The following PTPRR variants were observed in gnomAD, a reference collection of about 807,000 sequenced individuals.
The protein encoded by PTPRR is protein tyrosine phosphatase receptor type R.
Under a neutral mutation model 77.2 loss-of-function variants are expected in PTPRR, and 38 were observed. The ratio of observed to expected loss-of-function variants is 0.49; its 90% CI spans 0.38 to 0.65. The LOEUF is 0.65. PTPRR is among the 30% of genes least tolerant of loss of function. PTPRR has a pLI of 0.00. For missense variants in PTPRR, 744 were observed against 799.2 expected (o/e 0.93, Z 0.83); for synonymous variants, 299 against 283.1 (o/e 1.06, Z -0.57).
At chr12:70,656,878 C>G (rs1261102595) in intron 12 of PTPRR, 61 bp from the exon 13 acceptor site, 3 of 1,148,950 alleles carry the variant, frequency 2.6e-6, no homozygotes, top group Non-Finnish European at 3.9e-6. Flanking sequence ...AAGAAACATT[C>G]TTTTACAAGG....
chr12:70,792,531 CTT>C (rs1253302190), intron 2 of PTPRR, among the ~76,000 whole-genome samples: 2 of 151,996 alleles, frequency 1.3e-5, no homozygotes, highest in South Asian at 2.1e-4. Context: ...AAATTTCAAA[CTT>C]ATATCTTGCA....
At chr12:70,748,574 G>A (rs1393280590) in intron 5 of PTPRR, among the ~76,000 whole-genome samples, 1 of 152,018 alleles carries the variant, frequency 6.6e-6, no homozygotes, top group Admixed American at 6.6e-5. Flanking sequence ...TTGAATGAGA[G>A]GAGCTGTAAA....
intron 2 of PTPRR, among the ~76,000 whole-genome samples, chr12:70,865,192 C>T (rs1892822056): frequency 6.7e-6 from 1 of 149,734 alleles, no homozygotes; most frequent in Admixed American, 6.8e-5. Context: ...GTAAGACGTG[C>T]CTTTTGCCTT....
intron 6 of PTPRR, among the ~76,000 whole-genome samples, chr12:70,720,509 ATTTTT>A (rs34611421): frequency 5.1e-5 from 7 of 136,832 alleles, no homozygotes; most frequent in Admixed American, 2.2e-4. Context: ...TACCCTGGTA[ATTTTT>A]TTTTTTTTTT....
At chr12:70,704,617 C>T (rs1188974946) in intron 6 of PTPRR, among the ~76,000 whole-genome samples, 1 of 151,994 alleles carries the variant, frequency 6.6e-6, no homozygotes, top group Non-Finnish European at 1.5e-5. Flanking sequence ...TCTAAGGATT[C>T]TGTGGTAAGC....
At chr12:70,713,567 T>TTTTTC (rs1888910545) in intron 6 of PTPRR, among the ~76,000 whole-genome samples, 1 of 150,618 alleles carries the variant, frequency 6.6e-6, no homozygotes, top group African/African-American at 2.4e-5. Context: ...GCTGCTGCCT[T>TTTTTC]TTTTTTTTTT....
intron 2 of PTPRR, among the ~76,000 whole-genome samples, chr12:70,868,207 A>G (rs1288270376): frequency 6.6e-6 from 1 of 152,138 alleles, no homozygotes; most frequent in African/African-American, 2.4e-5. Context: ...TAAACTAAAG[A>G]GCTTCTGCAC....
chr12:70,672,031 G>T, intron 10 of PTPRR: 1 of 1,322,922 alleles, frequency 7.6e-7, no homozygotes, highest in East Asian at 2.3e-5. Flanking sequence ...CCCACCTGGT[G>T]GGGCCTCACT....
intron 1 of PTPRR, among the ~76,000 whole-genome samples, chr12:70,915,662 G>T (rs1893764856): frequency 6.6e-6 from 1 of 152,122 alleles, no homozygotes; most frequent in South Asian, 2.1e-4. Context: ...TAGTAGTTCT[G>T]GTCTAACACA....
At chr12:70,711,518 G>T (rs2136815762) in intron 6 of PTPRR, among the ~76,000 whole-genome samples, 1 of 151,952 alleles carries the variant, frequency 6.6e-6, no homozygotes, top group East Asian at 1.9e-4. Context: ...GGGGTAGTAG[G>T]TATTAACCTG....
chr12:70,837,017 A>G lies in PTPRR; in HGVS notation c.357+55662T>C, dbSNP rs556702451. Among the ~76,000 whole-genome samples the G allele has an allele frequency of 8.7e-4, 133 of 152,222 alleles. 1 individual carries two copies. Among genetic ancestry groups the G allele is most frequent in the Admixed American group, 9.8e-4 (15 of 15,272 alleles). Reference sequence around the variant, plus strand: ...TTATTTAAAATATTTTGCAATATTTAAGGTATATAAATGTATAAAGCATAA... The same window carrying G: ...TTATTTAAAATATTTTGCAATATTTGAGGTATATAAATGTATAAAGCATAA... On this transcript the variant is annotated intron_variant, in intron 2 of 13. Coordinates refer to ENST00000283228, the MANE Select transcript of PTPRR (RefSeq NM_002849.4).
At chr12:70,657,268 G>A (rs1019328521) in intron 12 of PTPRR, among the ~76,000 whole-genome samples, 1 of 152,114 alleles carries the variant, frequency 6.6e-6, no homozygotes, top group African/African-American at 2.4e-5. Context: ...GGAATAGGGT[G>A]AATTTGAAGG....
chr12:70,849,302 G>T (rs909633642), intron 2 of PTPRR, among the ~76,000 whole-genome samples: 1 of 152,174 alleles, frequency 6.6e-6, no homozygotes, highest in African/African-American at 2.4e-5. Context: ...TGCTTTGGAT[G>T]AGAGTAGCTT....
intron 2 of PTPRR, among the ~76,000 whole-genome samples, chr12:70,769,007 T>G (rs1362225784): frequency 7.0e-6 from 1 of 143,796 alleles, no homozygotes; most frequent in Admixed American, 6.8e-5. Context: ...ATGGGACATA[T>G]CTCAAAATAA....
intron 10 of PTPRR, among the ~76,000 whole-genome samples, chr12:70,669,398 C>T (rs1195115835): frequency 6.6e-6 from 1 of 151,772 alleles, no homozygotes; most frequent in East Asian, 1.9e-4. Flanking sequence ...GTGGTTTCTA[C>T]TGCTGGAACA....
At chr12:70,826,717 C>A (rs908492945) in intron 2 of PTPRR, among the ~76,000 whole-genome samples, 22 of 152,174 alleles carry the variant, frequency 1.4e-4, no homozygotes, top group Non-Finnish European at 7.4e-5. Context: ...GGACTGGCTG[C>A]AAAACATGTA....
intron 9 of PTPRR, 21 bp from the exon 10 acceptor site, chr12:70,684,285 A>G: frequency 6.3e-7 from 1 of 1,594,916 alleles, no homozygotes; most frequent in Non-Finnish European, 8.5e-7. Context: ...TAAAGAAACA[A>G]AAATATTGGT....
At chr12:70,672,081 T>G in intron 10 of PTPRR, 1 of 1,359,474 alleles carries the variant, frequency 7.4e-7, no homozygotes, top group Non-Finnish European at 1.0e-6. Flanking sequence ...GTTATCAACC[T>G]CAATGCCTTT....
chr12:70,853,777 G>A (rs1056609942), intron 2 of PTPRR, among the ~76,000 whole-genome samples: 1 of 152,036 alleles, frequency 6.6e-6, no homozygotes. Flanking sequence ...TCCCCGCTCC[G>A]CCTCCCGCAA....
Sources: gnomAD v4.1 joint callset for allele counts (sites outside exome capture counted in the v4.1 genomes callset) on GRCh38, gnomAD v4.1.1 for gene constraint, MANE v1.5 for transcripts, NCBI Gene and HGNC (gene_info 2026-07-23, HGNC 2026-07-21) for gene names.